The following EDEM3 variants were observed in gnomAD, a reference collection of about 807,000 sequenced individuals.
The protein encoded by EDEM3 is ER degradation enhancing alpha-mannosidase like protein 3.
EDEM3 carries 60 observed loss-of-function variants against 110.2 expected under a neutral mutation model. That is an observed-to-expected ratio of 0.54 (90% CI 0.44 to 0.67). The LOEUF is 0.67. Ranked by LOEUF, EDEM3 falls within the 30% of genes least tolerant of loss-of-function variation. The pLI, the probability that EDEM3 is intolerant of heterozygous loss-of-function variation, is 0.00. For synonymous variants in EDEM3, 352 were observed against 382.9 expected (o/e 0.92, Z 0.94); for missense variants, 996 against 1,121.0 (o/e 0.89, Z 1.59).
rs1030753462 is a variant in EDEM3 at position 184,708,434 on chromosome 1, T to C, written c.1846-90A>G. 7 of 1,340,460 alleles carry C rather than the reference T, an allele frequency of 5.2e-6. No individual in the cohort carries two copies. The African/African-American group carries it at 1.1e-4, about 20-fold the overall frequency. The allele number at this position is 1,340,460 out of a possible 1,614,324, so 83.0% of individuals were successfully genotyped here. On this transcript the variant is annotated intron_variant, in intron 16 of 19. Coordinates refer to ENST00000318130, the MANE Select transcript of EDEM3 (RefSeq NM_025191.4). Reference sequence around the variant, plus strand: ...CTAAAGACACTGTACTGTAGTATTCTACTCTACAACTTCTTCTTTCACTTT... The same window carrying C: ...CTAAAGACACTGTACTGTAGTATTCCACTCTACAACTTCTTCTTTCACTTT...
At chr1:184,694,539 C>A in intron 19 of EDEM3, 67 bp from the exon 20 acceptor site, 3 of 1,429,874 alleles carry the variant, frequency 2.1e-6, no homozygotes, top group Non-Finnish European at 1.8e-6. Flanking sequence ...CTTTCCAAAG[C>A]ATATTGGTTT....
intron 18 of EDEM3, among the ~76,000 whole-genome samples, chr1:184,703,324 TATG>T (rs1315668071): frequency 6.6e-6 from 1 of 152,186 alleles, no homozygotes; most frequent in Non-Finnish European, 1.5e-5. Context: ...TACAGAATTC[TATG>T]ATTATGACTA....
At chr1:184,730,307 C>T (rs1651435828) in intron 6 of EDEM3, among the ~76,000 whole-genome samples, 1 of 152,214 alleles carries the variant, frequency 6.6e-6, no homozygotes, top group Non-Finnish European at 1.5e-5. Flanking sequence ...AGAGGCCGGG[C>T]ATGATGGCTC....
chr1:184,702,854 A>T lies in EDEM3; in HGVS notation c.2346T>A (p.Tyr782Ter). Residue 782 changes from tyrosine to a stop codon, truncating the protein, a stop_gained, in exon 19 of 20, where the codon TAT (tyrosine) becomes TAA (stop). Transcript: ENST00000318130. LOFTEE classifies it high-confidence loss of function. ...GSIILDAIRE[Y>*]EEVEVLLSDK... Reference sequence around the variant, plus strand: ...CAGAGAGGAGCACTTCTACCTCCTCATATTCCCGGATGGCATCCAGTATGA... The same window carrying T: ...CAGAGAGGAGCACTTCTACCTCCTCTTATTCCCGGATGGCATCCAGTATGA... The T allele has an allele frequency of 6.2e-7, 1 of 1,612,206 alleles. No homozygotes were observed. The highest frequency in any genetic ancestry group is 8.5e-7 in the Non-Finnish European group (1 of 1,179,286).
intron 6 of EDEM3, among the ~76,000 whole-genome samples, chr1:184,726,931 C>T (rs1333217687): frequency 6.6e-6 from 1 of 152,204 alleles, no homozygotes; most frequent in African/African-American, 2.4e-5. Context: ...TAGAGTGTAT[C>T]ACCTTGCTGG....
chr1:184,732,602 T>C (rs1651589951), intron 6 of EDEM3, among the ~76,000 whole-genome samples: 1 of 152,222 alleles, frequency 6.6e-6, no homozygotes, highest in Admixed American at 6.5e-5. Context: ...ATACCTACTA[T>C]GTACCCACAG....
At chr1:184,748,283 C>T (rs1183157364) in intron 2 of EDEM3, among the ~76,000 whole-genome samples, 1 of 151,862 alleles carries the variant, frequency 6.6e-6, no homozygotes, top group Non-Finnish European at 1.5e-5. Flanking sequence ...CCCATCTCTA[C>T]CAAAAATACA....
chr1:184,694,076 T>C lies in EDEM3; in HGVS notation c.2786A>G (p.Lys929Arg). Residue 929 changes from lysine (K) to arginine (R), a missense_variant, in exon 20 of 20, where the codon AAG (lysine) becomes AGG (arginine). Coordinates refer to ENST00000318130, the MANE Select transcript of EDEM3 (RefSeq NM_025191.4). ...EDIEAFEMME[K>R]DEL is the part of the protein sequence containing the mutation. Reference sequence around the variant, plus strand: ...TTGTTTAGCAAGTCATAGCTCATCCTTCTCCATCATTTCAAATGCTTCTAT... The same window carrying C: ...TTGTTTAGCAAGTCATAGCTCATCCCTCTCCATCATTTCAAATGCTTCTAT... 1 of 1,612,342 alleles carries C rather than the reference T, an allele frequency of 6.2e-7. No homozygotes were observed.
rs1651204030 is a variant in EDEM3 at position 184,726,525 on chromosome 1, G to C, written c.613-136C>G. 22 of 954,790 alleles carry C rather than the reference G, an allele frequency of 2.3e-5. No homozygotes were observed. The East Asian group carries it at 3.7e-4, about 16-fold the overall frequency. The allele number at this position is 954,790 out of a possible 1,614,324, so 59.1% of individuals were successfully genotyped here. A position where few individuals can be genotyped will look rare whatever the true frequency, so the allele number is the denominator to read the frequency against. On this transcript the variant is annotated intron_variant, in intron 6 of 19. Transcript: ENST00000318130. ...ATAACTAAACACTGAAATTCAATCTGATGATCTCTGACTTTCCAATTAGCA... is the reference window on the plus strand; with the variant it reads ...ATAACTAAACACTGAAATTCAATCTCATGATCTCTGACTTTCCAATTAGCA...
intron 17 of EDEM3, among the ~76,000 whole-genome samples, chr1:184,707,296 T>C (rs1270634662): frequency 6.6e-6 from 1 of 152,186 alleles, no homozygotes; most frequent in Non-Finnish European, 1.5e-5. Flanking sequence ...CTGCAAGCAG[T>C]TCTTTTTACC....
intron 2 of EDEM3, among the ~76,000 whole-genome samples, chr1:184,747,726 G>C (rs2102135345): frequency 6.6e-6 from 1 of 152,282 alleles, no homozygotes; most frequent in African/African-American, 2.4e-5. Context: ...TACTCAGTTA[G>C]GTCCCAATAG....
At chr1:184,710,326 T>A in intron 16 of EDEM3, 68 bp downstream of exon 16, 1 of 1,539,132 alleles carries the variant, frequency 6.5e-7, no homozygotes, top group Non-Finnish European at 8.8e-7. Flanking sequence ...TCCATTATCT[T>A]ATTAAAGCTA....
chr1:184,721,743 A>G (rs1650914958), intron 8 of EDEM3, among the ~76,000 whole-genome samples: 1 of 151,960 alleles, frequency 6.6e-6, no homozygotes, highest in Non-Finnish European at 1.5e-5. Flanking sequence ...AAGAAAAATT[A>G]AAGAACAATA....
In EDEM3 at chr1:184,694,049, G is replaced by A. The variant is rs1283971411; in HGVS notation, c.*14C>T. 4 of 1,604,352 alleles carry A rather than the reference G, an allele frequency of 2.5e-6. No individual in the cohort carries two copies. Among genetic ancestry groups the A allele is most frequent in the Non-Finnish European group, 3.4e-6 (4 of 1,174,964 alleles). ...TTTTCTTTTTAAATACCTACCAACA[G>A]ATTGTTTAGCAAGTCATAGCTCATC... is the stretch of plus-strand genomic sequence containing the variant. On this transcript the variant is annotated 3_prime_UTR_variant, in exon 20 of 20. Coordinates refer to ENST00000318130, the MANE Select transcript of EDEM3 (RefSeq NM_025191.4).
At chr1:184,707,111 T>C (rs956026326) in intron 17 of EDEM3, among the ~76,000 whole-genome samples, 9 of 152,178 alleles carry the variant, frequency 5.9e-5, no homozygotes, top group African/African-American at 1.9e-4. Flanking sequence ...ATGGGGAAAT[T>C]GAGACTCAGG....
At chr1:184,740,421 T>A (rs1465760318) in intron 2 of EDEM3, among the ~76,000 whole-genome samples, 1 of 152,218 alleles carries the variant, frequency 6.6e-6, no homozygotes, top group Non-Finnish European at 1.5e-5. Context: ...ATATATTAAC[T>A]GTAATTACGT....
chr1:184,737,856 C>G, intron 2 of EDEM3, 145 bp from the exon 3 acceptor site: 1 of 680,128 alleles, frequency 1.5e-6, no homozygotes, highest in Non-Finnish European at 2.3e-6. Flanking sequence ...TTTCAAAAAT[C>G]TTTAATTACA....
chr1:184,750,830 C>T (rs1446858070), intron 1 of EDEM3, among the ~76,000 whole-genome samples: 1 of 152,002 alleles, frequency 6.6e-6, no homozygotes, highest in African/African-American at 2.4e-5. Context: ...TTTTCTTTTA[C>T]CAAAGTTCCA....
At chr1:184,725,109 C>A (rs1232662279) in intron 7 of EDEM3, among the ~76,000 whole-genome samples, 1 of 152,132 alleles carries the variant, frequency 6.6e-6, no homozygotes, top group Admixed American at 6.5e-5. Context: ...AGTTTGCCAA[C>A]CCTGTATTAT....
Sources: allele counts gnomAD v4.1 joint callset (sites outside exome capture counted in the v4.1 genomes callset), GRCh38; gene constraint gnomAD v4.1.1; transcripts MANE v1.5; gene names NCBI Gene and HGNC (gene_info 2026-07-23, HGNC 2026-07-21).